Variants in TMEM71 observed in about 807,000 individuals in gnomAD.
TMEM71 encodes the protein transmembrane protein 71.
TMEM71 carries 44 observed loss-of-function variants against 38.0 expected under a neutral mutation model. The ratio of observed to expected loss-of-function variants is 1.16; its 90% confidence interval spans 0.91 to 1.49. The LOEUF is 1.49. Among genes scored for constraint, TMEM71 ranks in the 40% most tolerant of loss-of-function variants. TMEM71 has a pLI of 0.00. For missense variants in TMEM71, 367 were observed against 348.6 expected (o/e 1.05, Z -0.42); for synonymous variants, 133 against 122.5 (o/e 1.09, Z -0.56).
rs758702369 is a variant in TMEM71 at position 132,747,013 on chromosome 8, T to G, written c.416A>C (p.Asn139Thr). ...CCAGTTGTCTTCACTTGGAGAAGAGTTGATGTCACCAAAGATACTTCCATG... is the reference window on the plus strand; with the variant it reads ...CCAGTTGTCTTCACTTGGAGAAGAGGTGATGTCACCAAAGATACTTCCATG... Reference protein sequence around the residue: ...WLHGSIFGDINSSPSEDNWLK... With the variant: ...WLHGSIFGDITSSPSEDNWLK... The change falls in exon 5 of 10, where the codon AAC (asparagine) becomes ACC (threonine). Residue 139 changes from asparagine (N) to threonine (T), a missense_variant. Transcript: ENST00000677595. The G allele has an allele frequency of 1.2e-6, 2 of 1,613,548 alleles. No individual in the cohort carries two copies. Among genetic ancestry groups the G allele is most frequent in the African/African-American group, 1.3e-5 (1 of 74,862 alleles).
At chr8:132,747,204 C>T (rs1828440198) in intron 4 of TMEM71, 90 bp from the exon 5 acceptor site, 3 of 1,137,090 alleles carry the variant, frequency 2.6e-6, no homozygotes, top group Non-Finnish European at 3.6e-6. Flanking sequence ...ATTTCTACAA[C>T]CCAAGTCTGC....
chr8:132,745,154 A>G (rs1828265993), intron 5 of TMEM71, among the ~76,000 whole-genome samples: 1 of 152,232 alleles, frequency 6.6e-6, no homozygotes, highest in African/African-American at 2.4e-5. Context: ...AGCAATTGCA[A>G]CAAAAACAAA....
At chr8:132,722,222 A>AAAGTTTTGG in intron 6 of TMEM71, 107 bp from the exon 7 acceptor site, 1 of 849,094 alleles carries the variant, frequency 1.2e-6, no homozygotes, top group African/African-American at 1.7e-5. Context: ...AAAAAAAAAA[A>AAAGTTTTGG]AGTTTTGGAA....
upstream of TMEM71, among the ~76,000 whole-genome samples, chr8:132,765,481 T>C (rs1829352953): frequency 6.6e-6 from 1 of 152,134 alleles, no homozygotes; most frequent in South Asian, 2.1e-4. Context: ...GTCTCAGAGA[T>C]AGGAAAAGGC....
Position 132,751,834 on chromosome 8 carries a change from T to C in TMEM71, c.265A>G (p.Thr89Ala), listed in dbSNP as rs138213345. The C allele has an allele frequency of 6.8e-6, 11 of 1,613,938 alleles. No homozygotes were observed. The highest frequency in any genetic ancestry group is 9.3e-6 in the Non-Finnish European group (11 of 1,180,032). The change falls in exon 4 of 10, where the codon ACT becomes GCT. Residue 89 changes from threonine to alanine, a missense_variant. Transcript: ENST00000677595. Reference protein sequence around the residue: ...SFLCDKDGNITLNPSQTSVMY... With the variant: ...SFLCDKDGNIALNPSQTSVMY... ...ACGCTGGTCTGGGATGGGTTCAGAG[T>C]TATGTTGCCATCTTTGTCGCACAGG...
At chr8:132,756,885 A>T (rs1481569897) in intron 3 of TMEM71, among the ~76,000 whole-genome samples, 1 of 151,670 alleles carries the variant, frequency 6.6e-6, no homozygotes, top group East Asian at 2.0e-4. Flanking sequence ...CACCATGCCC[A>T]GCGAAGAATG....
chr8:132,719,427 G>A (rs1473798221), intron 7 of TMEM71, among the ~76,000 whole-genome samples: 2 of 152,172 alleles, frequency 1.3e-5, no homozygotes, highest in East Asian at 3.8e-4. Flanking sequence ...TTTAGGCTGT[G>A]TGTATATGAA....
At chr8:132,751,031 T>C (rs1386086164) in intron 4 of TMEM71, among the ~76,000 whole-genome samples, 1 of 152,188 alleles carries the variant, frequency 6.6e-6, no homozygotes, top group African/African-American at 2.4e-5. Context: ...ACTCACATAT[T>C]CACACACATC....
intron 5 of TMEM71, among the ~76,000 whole-genome samples, chr8:132,737,716 CT>C (rs1827823640): frequency 6.6e-6 from 1 of 152,224 alleles, no homozygotes; most frequent in Non-Finnish European, 1.5e-5. Context: ...GTGCTTGCCC[CT>C]AGCACTCACA....
chr8:132,712,005 T>C (rs1169417045), intron 9 of TMEM71, among the ~76,000 whole-genome samples: 2 of 152,106 alleles, frequency 1.3e-5, no homozygotes. Flanking sequence ...AAGGAGAGGG[T>C]TGCAAAATCT....
upstream of TMEM71, among the ~76,000 whole-genome samples, chr8:132,762,894 A>G (rs115737533): frequency 7.1e-4 from 108 of 152,368 alleles, no homozygotes; most frequent in African/African-American, 2.5e-3. Context: ...AAATAAGTGC[A>G]ATTGTTATCC....
intron 7 of TMEM71, 43 bp downstream of exon 7, chr8:132,721,997 C>T: frequency 6.7e-7 from 1 of 1,502,560 alleles, no homozygotes; most frequent in South Asian, 1.1e-5. Flanking sequence ...TATAGTTTCA[C>T]TAATTATGAA....
At chr8:132,764,288 T>TTGTGTGTG (rs5895159), upstream of TMEM71, among the ~76,000 whole-genome samples, 1,951 of 149,144 alleles carry the variant, frequency 0.013, 40 homozygotes, top group African/African-American at 0.043. Context: ...AACTGGGAGG[T>TTGTGTGTG]TGTGTGTGTG....
intron 7 of TMEM71, among the ~76,000 whole-genome samples, chr8:132,719,028 CTG>C (rs1826692232): frequency 6.6e-6 from 1 of 152,252 alleles, no homozygotes; most frequent in South Asian, 2.1e-4. Flanking sequence ...CATTTTAAAA[CTG>C]TTATTCTAAA....
chr8:132,736,784 C>G (rs954872009), intron 5 of TMEM71, among the ~76,000 whole-genome samples: 4 of 151,538 alleles, frequency 2.6e-5, no homozygotes, highest in African/African-American at 4.9e-5. Context: ...TAAGCCAAGA[C>G]TGGACCACTG....
chr8:132,765,295 C>A (rs560427389), upstream of TMEM71, among the ~76,000 whole-genome samples: 1 of 152,156 alleles, frequency 6.6e-6, no homozygotes, highest in South Asian at 2.1e-4. Flanking sequence ...TTAGACTTTG[C>A]GGCAAGCTCA....
Position 132,710,920 on chromosome 8 carries a change from A to T in TMEM71, c.*47T>A, listed in dbSNP as rs1895807. On this transcript the variant is annotated 3_prime_UTR_variant, in exon 10 of 10. Coordinates refer to ENST00000677595, the MANE Select transcript of TMEM71 (RefSeq NM_001382403.1). ...GTAGACTGCAAGTTGGACAATTTCC[A>T]GATATTCAGATGGAGGACATTCATC... is the stretch of plus-strand genomic sequence containing the variant. The T allele has an allele frequency of 6.3e-7, 1 of 1,581,630 alleles. No homozygotes were observed. Among genetic ancestry groups the T allele is most frequent in the Non-Finnish European group, 8.7e-7 (1 of 1,152,036 alleles).
downstream of TMEM71, among the ~76,000 whole-genome samples, chr8:132,709,505 T>A (rs1259137775): frequency 1.3e-5 from 2 of 152,158 alleles, no homozygotes; most frequent in Non-Finnish European, 2.9e-5. Flanking sequence ...AAGTCAAAGA[T>A]TTTATCTTGG....
rs758702369 is a variant in TMEM71, at chr8:132,747,013, T to A, written c.416A>T (p.Asn139Ile). ...CCAGTTGTCTTCACTTGGAGAAGAG[T>A]TGATGTCACCAAAGATACTTCCATG... ...WLHGSIFGDI[N>I]SSPSEDNWLK... Residue 139 changes from asparagine (N) to isoleucine (I), a missense_variant, in exon 5 of 10, where the codon AAC becomes ATC. Physicochemically the swap from Asn to Ile is moderately radical, Grantham distance 149. Coordinates refer to ENST00000677595, the MANE Select transcript of TMEM71 (RefSeq NM_001382403.1). 3.1e-6 allele frequency: 5 copies of A among 1,613,548 alleles called. No individual in the cohort carries two copies.
Sources: gnomAD v4.1 joint callset for allele counts (sites outside exome capture counted in the v4.1 genomes callset) on GRCh38, gnomAD v4.1.1 for gene constraint, MANE v1.5 for transcripts, NCBI Gene and HGNC (gene_info 2026-07-23, HGNC 2026-07-21) for gene names.